The following C2CD5 variants were observed in gnomAD, a reference collection of about 807,000 sequenced individuals.
The protein encoded by C2CD5 is C2 calcium dependent domain containing 5.
Under a neutral mutation model 130.3 loss-of-function variants are expected in C2CD5, and 109 were observed. The ratio of observed to expected loss-of-function variants is 0.84; its 90% CI spans 0.72 to 0.98. The LOEUF (loss-of-function observed/expected upper bound fraction) is 0.98, where lower values mean the gene tolerates loss of function less well. C2CD5 is among the 50% of genes least tolerant of loss of function. The pLI is 0.00. For synonymous variants in C2CD5, 454 were observed against 429.2 expected (o/e 1.06, Z -0.71); for missense variants, 996 against 1,261.8 (o/e 0.79, Z 3.19).
Position 22,525,683 on chromosome 12 carries a change from T to C in C2CD5, c.372A>G (p.Val124=). The change falls in exon 5 of 27, where the codon GTA becomes GTG. Residue 124 remains valine (V), a synonymous_variant. Coordinates refer to ENST00000446597, the MANE Select transcript of C2CD5 (RefSeq NM_001286176.2). ...CATTGAAGAGGTCTACTTTGACAAC[T>C]ACATTGATTTCCCCACGGATACCTA... ...TIHGIRGEIN[V]VVKVDLFNDL... is the part of the protein sequence containing the mutation. 1.3e-6 allele frequency: 2 copies of C among 1,564,244 alleles called. No individual in the cohort carries two copies. The highest frequency in any genetic ancestry group is 1.8e-6 in the Non-Finnish European group (2 of 1,135,256).
At chr12:22,476,659 T>A (rs985251949) in intron 15 of C2CD5, among the ~76,000 whole-genome samples, 3 of 152,004 alleles carry the variant, frequency 2.0e-5, no homozygotes, top group Non-Finnish European at 2.9e-5. Flanking sequence ...ATATAAAAAC[T>A]AAGTACAATA....
chr12:22,534,494 A>G (rs1565812116), intron 3 of C2CD5, among the ~76,000 whole-genome samples: 1 of 152,218 alleles, frequency 6.6e-6, no homozygotes, highest in East Asian at 1.9e-4. Context: ...ATAAGTTAAT[A>G]TTCAGAATAT....
chr12:22,520,907 A>G (rs971437109), intron 7 of C2CD5, among the ~76,000 whole-genome samples: 1 of 152,156 alleles, frequency 6.6e-6, no homozygotes, highest in Non-Finnish European at 1.5e-5. Flanking sequence ...TAAAATGAAC[A>G]GTGTAAAATG....
At chr12:22,540,298 A>T (rs1216152670) in intron 2 of C2CD5, among the ~76,000 whole-genome samples, 3 of 152,166 alleles carry the variant, frequency 2.0e-5, no homozygotes, top group African/African-American at 7.2e-5. Context: ...TTTTCTCCAT[A>T]TATTATTCTT....
intron 22 of C2CD5, among the ~76,000 whole-genome samples, chr12:22,464,773 G>A (rs1941772528): frequency 6.6e-6 from 1 of 152,120 alleles, no homozygotes; most frequent in Non-Finnish European, 1.5e-5. Context: ...AGTAATAACA[G>A]ACATGCAATG....
At chr12:22,490,296 T>A in intron 11 of C2CD5, 78 bp from the exon 12 acceptor site, 1 of 933,622 alleles carries the variant, frequency 1.1e-6, no homozygotes, top group Non-Finnish European at 1.7e-6. Flanking sequence ...TCAAAATAAT[T>A]ATAACAGTGA....
intron 16 of C2CD5, among the ~76,000 whole-genome samples, chr12:22,473,980 T>TA (rs1354581111): frequency 1.3e-5 from 2 of 152,108 alleles, no homozygotes; most frequent in African/African-American, 4.8e-5. Context: ...TCACCTTGGT[T>TA]AGGCCTGTGC....
At chr12:22,521,095 T>G (rs543992433) in intron 7 of C2CD5, among the ~76,000 whole-genome samples, 4 of 152,256 alleles carry the variant, frequency 2.6e-5, no homozygotes, top group Admixed American at 6.5e-5. Context: ...AAACCACCTT[T>G]TATCAAATTC....
At chr12:22,528,476 G>C (rs1271630845) in intron 3 of C2CD5, among the ~76,000 whole-genome samples, 3 of 152,204 alleles carry the variant, frequency 2.0e-5, no homozygotes, top group Non-Finnish European at 4.4e-5. Context: ...ATGGAGAACA[G>C]TGCAAAATGA....
chr12:22,456,989 C>T lies in C2CD5; in HGVS notation c.2859G>A (p.Glu953=), dbSNP rs779553797. 6.3e-7 allele frequency: 1 copy of T among 1,590,818 alleles called. No individual in the cohort carries two copies. Among genetic ancestry groups the T allele is most frequent in the South Asian group, 1.1e-5 (1 of 87,292 alleles). Residue 953 remains glutamate (E), a synonymous_variant, in exon 25 of 27, where the codon GAG becomes GAA. Coordinates refer to ENST00000446597, the MANE Select transcript of C2CD5 (RefSeq NM_001286176.2). ...AAATTACCTCCCGAAGAGAAGTAGT[C>T]TCTCGAATAAAAAACATGTTAATTA... is the stretch of plus-strand genomic sequence containing the variant. The part of the protein sequence containing the change: ...LGIINMFFIR[E]TTSLREEGGV...
intron 3 of C2CD5, among the ~76,000 whole-genome samples, chr12:22,532,499 A>G (rs1013343197): frequency 2.0e-5 from 3 of 152,164 alleles, no homozygotes; most frequent in Non-Finnish European, 4.4e-5. Flanking sequence ...GTCATCTGCA[A>G]ATTAGCAGGC....
intron 2 of C2CD5, among the ~76,000 whole-genome samples, chr12:22,536,309 G>C (rs1592038684): frequency 1.3e-5 from 2 of 152,202 alleles, no homozygotes; most frequent in East Asian, 3.9e-4. Flanking sequence ...TGTACCTTTT[G>C]AATTTTGAAC....
chr12:22,453,814 C>A, intron 26 of C2CD5, 82 bp downstream of exon 26: 1 of 1,289,972 alleles, frequency 7.8e-7, no homozygotes. Flanking sequence ...GAGCAATTCT[C>A]TTTTGGAGGG....
rs184425193 is a variant in C2CD5 at position 22,516,649 on chromosome 12, A to C, written c.952+1337T>G. On this transcript the variant is annotated intron_variant, in intron 8 of 26. Coordinates refer to ENST00000446597, the MANE Select transcript of C2CD5 (RefSeq NM_001286176.2). ...TGTGGTATGGCAAAAAAAATAAAATAATAATAATAATAACAATAAATAAAT... is the reference window on the plus strand; with the variant it reads ...TGTGGTATGGCAAAAAAAATAAAATCATAATAATAATAACAATAAATAAAT... 7.6e-3 allele frequency among the ~76,000 whole-genome samples: 1,145 copies of C among 150,996 alleles called. 17 individuals are homozygous for C. Among genetic ancestry groups the C allele is most frequent in the African/African-American group, 0.026 (1,060 of 41,438 alleles).
rs768683979 is a variant in C2CD5 at position 22,518,185 on chromosome 12, C to G, written c.801-48G>C. ...TATTAAGTAATCATGTGCCAAAGGA[C>G]TTGACAGGTGGCAGCATGATCCAAA... On this transcript the variant is annotated intron_variant, in intron 7 of 26. Coordinates refer to ENST00000446597, the MANE Select transcript of C2CD5 (RefSeq NM_001286176.2). 12 of 1,572,448 alleles carry G rather than the reference C, an allele frequency of 7.6e-6. No individual in the cohort carries two copies. In the Admixed American group the frequency reaches 1.3e-4, roughly 18 times the overall value.
intron 3 of C2CD5, among the ~76,000 whole-genome samples, chr12:22,533,898 A>T (rs1382341515): frequency 6.6e-6 from 1 of 152,226 alleles, no homozygotes; most frequent in Non-Finnish European, 1.5e-5. Flanking sequence ...ACATGAATGA[A>T]GTTGGGGCCA....
chr12:22,501,198 CTATAACT>C (rs1947738780), intron 10 of C2CD5, among the ~76,000 whole-genome samples: 2 of 152,148 alleles, frequency 1.3e-5, no homozygotes, highest in South Asian at 4.1e-4. Context: ...TTTTAACATT[CTATAACT>C]TATATCTACC....
chr12:22,477,068 T>C (rs527443230), intron 15 of C2CD5, among the ~76,000 whole-genome samples: 3 of 152,226 alleles, frequency 2.0e-5, no homozygotes, highest in African/African-American at 4.8e-5. Context: ...TATTGTTCAA[T>C]AGAAATATAA....
chr12:22,531,173 T>C (rs1951236069), intron 3 of C2CD5, among the ~76,000 whole-genome samples: 1 of 152,182 alleles, frequency 6.6e-6, no homozygotes, highest in African/African-American at 2.4e-5. Flanking sequence ...TTCCACACCT[T>C]TACCTTAATA....
Sources: allele counts gnomAD v4.1 joint callset (sites outside exome capture counted in the v4.1 genomes callset), GRCh38; gene constraint gnomAD v4.1.1; transcripts MANE v1.5; gene names NCBI Gene and HGNC (gene_info 2026-07-23, HGNC 2026-07-21).